Variants in BRINP3 observed in about 807,000 individuals in gnomAD.
BRINP3 encodes the protein BMP/retinoic acid-inducible neural-specific protein 3.
Under a neutral mutation model 71.0 loss-of-function variants are expected in BRINP3, and 19 were observed. The ratio of observed to expected loss-of-function variants is 0.27; its 90% confidence interval spans 0.19 to 0.39. BRINP3 has a LOEUF of 0.39. Among genes scored for constraint, BRINP3 ranks in the 10% least tolerant of loss-of-function variants. The pLI, the probability that BRINP3 is intolerant of heterozygous loss-of-function variation, is 1.00. For missense variants in BRINP3, 959 were observed against 940.8 expected, an observed-to-expected ratio of 1.02 and a Z score of -0.25; for synonymous variants, 380 against 337.7, an observed-to-expected ratio of 1.13 and a Z score of -1.37.
intron 2 of BRINP3, among the ~76,000 whole-genome samples, chr1:190,298,956 A>C (rs1206192012): frequency 6.6e-6 from 1 of 152,116 alleles, no homozygotes; most frequent in East Asian, 1.9e-4. Flanking sequence ...AATTCTATTA[A>C]ATTTTGCTTA....
At chr1:190,218,599 G>A (rs1327711422) in intron 6 of BRINP3, among the ~76,000 whole-genome samples, 1 of 151,894 alleles carries the variant, frequency 6.6e-6, no homozygotes, top group Non-Finnish European at 1.5e-5. Context: ...AAATATATTA[G>A]AAATATATTC....
chr1:190,231,136 A>T (rs2102724628), intron 5 of BRINP3, among the ~76,000 whole-genome samples: 1 of 151,894 alleles, frequency 6.6e-6, no homozygotes, highest in Non-Finnish European at 1.5e-5. Context: ...AAGCAAATAT[A>T]ATCAGCTTTT....
At chr1:190,306,126 T>A (rs908055912) in intron 2 of BRINP3, among the ~76,000 whole-genome samples, 1 of 151,794 alleles carries the variant, frequency 6.6e-6, no homozygotes, top group Non-Finnish European at 1.5e-5. Flanking sequence ...TTGTAATGCA[T>A]CTATAAATAC....
chr1:190,337,956 G>A (rs573943909), intron 2 of BRINP3, among the ~76,000 whole-genome samples: 2 of 152,040 alleles, frequency 1.3e-5, no homozygotes, highest in Admixed American at 1.3e-4. Flanking sequence ...AATGGGTCCT[G>A]TCACATATGA....
chr1:190,136,909 T>C (rs7512737), intron 7 of BRINP3, among the ~76,000 whole-genome samples: 7,048 of 151,980 alleles, frequency 0.046, 535 homozygotes, highest in African/African-American at 0.16. Context: ...TTTATTTAAA[T>C]TGACCCCAAA....
intron 4 of BRINP3, among the ~76,000 whole-genome samples, chr1:190,249,711 T>G (rs1659954993): frequency 2.0e-5 from 3 of 151,838 alleles, no homozygotes; most frequent in Non-Finnish European, 4.4e-5. Flanking sequence ...CTGAATTGTT[T>G]AAGCCATTTT....
At chr1:190,470,500 C>A (rs1397797630) in intron 1 of BRINP3, among the ~76,000 whole-genome samples, 1 of 150,968 alleles carries the variant, frequency 6.6e-6, no homozygotes, top group Non-Finnish European at 1.5e-5. Context: ...GCAACCACAT[C>A]TCATCTGAGT....
chr1:190,156,982 C>T (rs1410244776), intron 7 of BRINP3, among the ~76,000 whole-genome samples: 1 of 151,908 alleles, frequency 6.6e-6, no homozygotes, highest in Non-Finnish European at 1.5e-5. Flanking sequence ...ATTAATGTGG[C>T]TTCCATGATA....
intron 2 of BRINP3, among the ~76,000 whole-genome samples, chr1:190,303,278 G>C (rs1026880160): frequency 2.6e-5 from 4 of 151,686 alleles, no homozygotes; most frequent in Non-Finnish European, 4.4e-5. Flanking sequence ...GACTCTTATA[G>C]TGATAATTTA....
chr1:190,175,732 T>C (rs1353440847), intron 6 of BRINP3, among the ~76,000 whole-genome samples: 2 of 152,226 alleles, frequency 1.3e-5, no homozygotes, highest in Non-Finnish European at 2.9e-5. Flanking sequence ...GTCTCCTATC[T>C]ATCTATGTAT....
At chr1:190,340,395 C>T (rs1571796689) in intron 2 of BRINP3, among the ~76,000 whole-genome samples, 3 of 151,968 alleles carry the variant, frequency 2.0e-5, no homozygotes, top group East Asian at 3.9e-4. Context: ...TGCTGCAGTA[C>T]AAAATCTTTT....
At chr1:190,243,437 T>G (rs1659301005) in intron 4 of BRINP3, among the ~76,000 whole-genome samples, 1 of 152,102 alleles carries the variant, frequency 6.6e-6, no homozygotes, top group African/African-American at 2.4e-5. Context: ...TGCATGAATA[T>G]ACATTTAGAA....
At chr1:190,302,302 G>A (rs527671102) in intron 2 of BRINP3, among the ~76,000 whole-genome samples, 12 of 147,726 alleles carry the variant, frequency 8.1e-5, no homozygotes, top group South Asian at 2.1e-4. Flanking sequence ...TTTAAGTGAT[G>A]GAATGTTGTA....
intron 1 of BRINP3, among the ~76,000 whole-genome samples, chr1:190,462,751 CTA>C (rs1334784852): frequency 1.3e-5 from 2 of 152,044 alleles, no homozygotes; most frequent in Admixed American, 1.3e-4. Flanking sequence ...AAACTGAATA[CTA>C]TAGTTTTCCT....
At chr1:190,412,466 G>GTTTT (rs1216884351) in intron 2 of BRINP3, among the ~76,000 whole-genome samples, 23 of 105,982 alleles carry the variant, frequency 2.2e-4, no homozygotes, top group African/African-American at 5.4e-4. Flanking sequence ...GTTTTTTTTT[G>GTTTT]TTTTTTTTTT....
intron 2 of BRINP3, among the ~76,000 whole-genome samples, chr1:190,312,239 C>T (rs907828647): frequency 6.6e-6 from 1 of 150,540 alleles, no homozygotes; most frequent in South Asian, 2.1e-4. Flanking sequence ...TAAAAAACTC[C>T]TAAAATTCTT....
chr1:190,200,640 C>G (rs138300893), intron 6 of BRINP3, among the ~76,000 whole-genome samples: 45 of 152,188 alleles, frequency 3.0e-4, no homozygotes, highest in Non-Finnish European at 5.6e-4. Flanking sequence ...TGTCCCCACC[C>G]AAATCTCATC....
chr1:190,209,132 T>C (rs1655770479), intron 6 of BRINP3, among the ~76,000 whole-genome samples: 1 of 152,124 alleles, frequency 6.6e-6, no homozygotes, highest in Non-Finnish European at 1.5e-5. Flanking sequence ...ATAAATAAAT[T>C]ATAATCACCA....
At chr1:190,399,668 C>T (rs1671803380) in intron 2 of BRINP3, among the ~76,000 whole-genome samples, 1 of 152,074 alleles carries the variant, frequency 6.6e-6, no homozygotes, top group Non-Finnish European at 1.5e-5. Context: ...AACTAGCATA[C>T]AGACTATCTT....
Sources: allele counts gnomAD v4.1 joint callset (sites outside exome capture counted in the v4.1 genomes callset), GRCh38; gene constraint gnomAD v4.1.1; transcripts MANE v1.5; gene names NCBI Gene and HGNC (gene_info 2026-07-23, HGNC 2026-07-21).